The following ASTN2 variants were observed in gnomAD, a reference collection of about 807,000 sequenced individuals.
ASTN2 encodes astrotactin 2.
ASTN2 carries 54 observed loss-of-function variants against 139.8 expected under a neutral mutation model. The ratio of observed to expected loss-of-function variants is 0.39; its 90% CI spans 0.31 to 0.48. The LOEUF is 0.48. Ranked by LOEUF, ASTN2 falls within the 20% of genes least tolerant of loss-of-function variation. The pLI is 0.95. For missense variants in ASTN2, 1,565 were observed against 1,725.1 expected (o/e 0.91, Z 1.64); for synonymous variants, 756 against 719.5 (o/e 1.05, Z -0.81).
intron 19 of ASTN2, among the ~76,000 whole-genome samples, chr9:116,595,350 C>T (rs145049431): frequency 4.7e-4 from 64 of 137,120 alleles, no homozygotes; most frequent in African/African-American, 1.5e-3. Context: ...GTTGTTGAGA[C>T]GGAGTCTCAC....
At chr9:117,138,189 A>T (rs1304003534) in intron 4 of ASTN2, among the ~76,000 whole-genome samples, 1 of 152,232 alleles carries the variant, frequency 6.6e-6, no homozygotes, top group Non-Finnish European at 1.5e-5. Flanking sequence ...CTGAACTACT[A>T]CTGTGGAAGA....
At chr9:117,203,604 G>C (rs529953068) in intron 3 of ASTN2, among the ~76,000 whole-genome samples, 34 of 151,914 alleles carry the variant, frequency 2.2e-4, no homozygotes, top group Non-Finnish European at 4.4e-4. Flanking sequence ...CAATAGTCAG[G>C]TCCTTCTTCC....
chr9:116,667,143 A>T (rs1858917967), intron 16 of ASTN2, among the ~76,000 whole-genome samples: 1 of 151,474 alleles, frequency 6.6e-6, no homozygotes, highest in Middle Eastern at 3.4e-3. Context: ...TTTAATAGAG[A>T]CAGGAGTTCA....
chr9:116,939,989 A>G (rs1835181047), intron 10 of ASTN2, among the ~76,000 whole-genome samples: 1 of 152,224 alleles, frequency 6.6e-6, no homozygotes, highest in Non-Finnish European at 1.5e-5. Context: ...ATGCAAGCCT[A>G]CCACACTCTC....
chr9:116,654,990 G>T (rs182451882), intron 16 of ASTN2, among the ~76,000 whole-genome samples: 1 of 152,286 alleles, frequency 6.6e-6, no homozygotes, highest in Non-Finnish European at 1.5e-5. Context: ...GCAGTTAAAA[G>T]CCCACAATCT....
intron 2 of ASTN2, among the ~76,000 whole-genome samples, chr9:117,264,680 C>T (rs1833901874): frequency 6.6e-6 from 1 of 152,200 alleles, no homozygotes; most frequent in South Asian, 2.1e-4. Context: ...TCCCCATATT[C>T]TCGGCTTACA....
chr9:117,171,636 C>T (rs1005357194), intron 3 of ASTN2, among the ~76,000 whole-genome samples: 1 of 152,128 alleles, frequency 6.6e-6, no homozygotes, highest in African/African-American at 2.4e-5. Context: ...TGAGTGAGAT[C>T]TCATGAGATC....
At chr9:116,738,703 G>C (rs997322528) in intron 13 of ASTN2, among the ~76,000 whole-genome samples, 2 of 152,162 alleles carry the variant, frequency 1.3e-5, no homozygotes, top group African/African-American at 2.4e-5. Context: ...TATAGACAAA[G>C]AAACATGTTC....
intron 11 of ASTN2, among the ~76,000 whole-genome samples, chr9:116,856,650 T>G (rs1832749442): frequency 6.6e-6 from 1 of 152,254 alleles, no homozygotes; most frequent in Admixed American, 6.5e-5. Context: ...ATATGTTTAT[T>G]CATCTTGACT....
chr9:116,910,479 A>G (rs897528932), intron 10 of ASTN2, among the ~76,000 whole-genome samples: 15 of 152,148 alleles, frequency 9.9e-5, no homozygotes, highest in African/African-American at 3.6e-4. Context: ...CTTAAAAACC[A>G]TTGCTTTAGG....
Position 117,214,472 on chromosome 9 carries a change from G to T in ASTN2, c.901C>A (p.Pro301Thr). ...DDYDCEEDEE[P>T]PRRANHVSRE... ...GAGACATGGTTGGCCCGCCTAGGTGGCTCCTCATCCTCCTCACAGTCATAG... is the reference window on the plus strand; with the variant it reads ...GAGACATGGTTGGCCCGCCTAGGTGTCTCCTCATCCTCCTCACAGTCATAG... Residue 301 changes from proline (P) to threonine (T), a missense_variant, in exon 3 of 23, where the codon CCA (proline) becomes ACA (threonine). Transcript: ENST00000313400. The T allele has an allele frequency of 1.2e-6, 2 of 1,614,174 alleles. No homozygotes were observed. The highest frequency in any genetic ancestry group is 3.3e-4 in the Middle Eastern group (2 of 6,062).
At chr9:117,261,072 C>A (rs1199543496) in intron 2 of ASTN2, among the ~76,000 whole-genome samples, 1 of 152,108 alleles carries the variant, frequency 6.6e-6, no homozygotes, top group Non-Finnish European at 1.5e-5. Context: ...AATAGTCTTG[C>A]ATGAATGAGA....
chr9:116,834,673 G>A (rs1383820650), intron 11 of ASTN2, among the ~76,000 whole-genome samples: 1 of 152,164 alleles, frequency 6.6e-6, no homozygotes, highest in Non-Finnish European at 1.5e-5. Flanking sequence ...TATAAGCAAT[G>A]TGAATTTCTT....
At chr9:116,840,947 G>A (rs928580479) in intron 11 of ASTN2, among the ~76,000 whole-genome samples, 190 of 151,920 alleles carry the variant, frequency 1.3e-3, no homozygotes, top group African/African-American at 4.3e-3. Context: ...GCGGCCAGGC[G>A]GAGAAGCTCC....
intron 1 of ASTN2, among the ~76,000 whole-genome samples, chr9:117,333,266 G>A (rs1828773239): frequency 6.6e-6 from 1 of 152,168 alleles, no homozygotes; most frequent in Non-Finnish European, 1.5e-5. Context: ...TGTTCAGAAT[G>A]ATTCTGTGAG....
At chr9:117,207,680 A>C (rs574903045) in intron 3 of ASTN2, among the ~76,000 whole-genome samples, 17 of 152,264 alleles carry the variant, frequency 1.1e-4, no homozygotes, top group Non-Finnish European at 2.2e-4. Flanking sequence ...AGCTCCTGGC[A>C]GGTACGCCCC....
chr9:117,256,643 G>T (rs1009749037), intron 2 of ASTN2, among the ~76,000 whole-genome samples: 2 of 152,148 alleles, frequency 1.3e-5, no homozygotes, highest in East Asian at 1.9e-4. Flanking sequence ...TCTAGACTAC[G>T]TTATAGTAGC....
chr9:117,192,648 A>C (rs768441033), intron 3 of ASTN2, among the ~76,000 whole-genome samples: 40 of 152,336 alleles, frequency 2.6e-4, no homozygotes, highest in Middle Eastern at 3.4e-3. Context: ...GTAGTTCATG[A>C]TCTTTCAGAT....
intron 7 of ASTN2, among the ~76,000 whole-genome samples, chr9:116,989,589 T>TC (rs1284956952): frequency 6.6e-6 from 1 of 150,798 alleles, no homozygotes; most frequent in African/African-American, 2.4e-5. Context: ...TATTTGGGTT[T>TC]TTTTTTTTTT....
Sources: allele counts gnomAD v4.1 joint callset (sites outside exome capture counted in the v4.1 genomes callset), GRCh38; gene constraint gnomAD v4.1.1; transcripts MANE v1.5; gene names NCBI Gene and HGNC (gene_info 2026-07-23, HGNC 2026-07-21).